NTM: variants seen among roughly 807,000 people sequenced by gnomAD.
The protein encoded by NTM is IgLON family member 2.
A neutral mutation model predicts 42.1 loss-of-function variants in NTM; 13 were observed. That is an observed-to-expected ratio of 0.31 (90% CI 0.20 to 0.49). The LOEUF is 0.49. Ranked by LOEUF, NTM falls within the 20% of genes least tolerant of loss-of-function variation. The probability of loss-of-function intolerance (pLI) is 0.99; values close to 1 mark genes in which losing one functional copy is unlikely to be tolerated. For missense variants in NTM, 373 were observed against 452.8 expected (o/e 0.82, Z 1.60); for synonymous variants, 187 against 179.2 (o/e 1.04, Z -0.35).
rs184990383 is a variant in NTM at position 131,548,288 on chromosome 11, A to G, written c.82+177400A>G. Among the ~76,000 whole-genome samples, 228 of 151,994 alleles carry G rather than the reference A, an allele frequency of 1.5e-3. 1 individual carries two copies. Among genetic ancestry groups the G allele is most frequent in the African/African-American group, 5.3e-3 (221 of 41,440 alleles). ...CTCCACCACCACTCTCCCCTTGTGC[A>G]TTTTTCCAAGTCGATCTTATCCAGG... On this transcript the variant is annotated intron_variant, in intron 1 of 8. Transcript: ENST00000683400.
chr11:132,005,256 G>A (rs2070500245), intron 2 of NTM, among the ~76,000 whole-genome samples: 1 of 152,290 alleles, frequency 6.6e-6, no homozygotes, highest in Middle Eastern at 3.4e-3. Context: ...TGAGTAGTTT[G>A]GGTTTAGATG....
At chr11:131,688,233 G>GCC (rs1316053437) in intron 1 of NTM, among the ~76,000 whole-genome samples, 1 of 152,166 alleles carries the variant, frequency 6.6e-6, no homozygotes, top group Non-Finnish European at 1.5e-5. Flanking sequence ...GGCTCCCGGG[G>GCC]CGGGGGAGGG....
intron 1 of NTM, among the ~76,000 whole-genome samples, chr11:131,897,840 A>T (rs2052548573): frequency 6.6e-6 from 1 of 152,224 alleles, no homozygotes; most frequent in South Asian, 2.1e-4. Context: ...AGAGTTTTTA[A>T]AAGATATTAA....
intron 1 of NTM, among the ~76,000 whole-genome samples, chr11:131,878,848 T>TAA (rs2049012545): frequency 6.6e-6 from 1 of 151,744 alleles, no homozygotes. Flanking sequence ...TCTCTTAAAA[T>TAA]AAAGTGAGAG....
intron 2 of NTM, among the ~76,000 whole-genome samples, chr11:132,084,110 G>A (rs996627842): frequency 2.0e-5 from 3 of 151,736 alleles, no homozygotes; most frequent in Admixed American, 6.6e-5. Flanking sequence ...CCTTTATTCC[G>A]ATGTCACAAT....
intron 1 of NTM, among the ~76,000 whole-genome samples, chr11:131,623,888 C>T (rs963904921): frequency 2.6e-5 from 4 of 152,234 alleles, no homozygotes; most frequent in East Asian, 3.8e-4. Flanking sequence ...TCGGGGCTGC[C>T]GTAGCTGGGC....
At chr11:131,845,554 T>C (rs988756485) in intron 1 of NTM, among the ~76,000 whole-genome samples, 1 of 151,596 alleles carries the variant, frequency 6.6e-6, no homozygotes, top group Non-Finnish European at 1.5e-5. Flanking sequence ...ACAATATGCA[T>C]AAGCAAGTTT....
intron 1 of NTM, among the ~76,000 whole-genome samples, chr11:131,427,605 T>C (rs1948274540): frequency 2.0e-5 from 3 of 152,218 alleles, no homozygotes. Flanking sequence ...CTCGGTGTTC[T>C]ACCTGTACTT....
intron 4 of NTM, among the ~76,000 whole-genome samples, chr11:132,228,375 T>G (rs1290486593): frequency 6.6e-6 from 1 of 152,128 alleles, no homozygotes; most frequent in East Asian, 1.9e-4. Context: ...CTCACCAACC[T>G]GGAAAACGTA....
chr11:131,886,047 G>C (rs911473511), intron 1 of NTM, among the ~76,000 whole-genome samples: 1 of 152,044 alleles, frequency 6.6e-6, no homozygotes, highest in Non-Finnish European at 1.5e-5. Flanking sequence ...GTTTTCCCAA[G>C]AGACCCCTCT....
At chr11:132,042,768 C>A (rs986091039) in intron 2 of NTM, among the ~76,000 whole-genome samples, 1 of 152,168 alleles carries the variant, frequency 6.6e-6, no homozygotes. Context: ...ATAGGATACA[C>A]AAAGCTAGAT....
At chr11:131,786,247 A>T (rs1467928666) in intron 1 of NTM, among the ~76,000 whole-genome samples, 2 of 152,268 alleles carry the variant, frequency 1.3e-5, no homozygotes, top group Non-Finnish European at 2.9e-5. Flanking sequence ...GAACTTCAGC[A>T]TTCATTCTGT....
intron 1 of NTM, among the ~76,000 whole-genome samples, chr11:131,590,535 C>CA (rs2059270986): frequency 6.6e-6 from 1 of 152,152 alleles, no homozygotes; most frequent in Non-Finnish European, 1.5e-5. Flanking sequence ...AAGTGCCAAG[C>CA]CAGGTGTCCC....
At chr11:132,238,991 G>A (rs2089653589) in intron 4 of NTM, among the ~76,000 whole-genome samples, 1 of 152,066 alleles carries the variant, frequency 6.6e-6, no homozygotes, top group Non-Finnish European at 1.5e-5. Context: ...TTTTGAGGTG[G>A]GCAAACAGAA....
At chr11:131,778,925 C>G (rs530063164) in intron 1 of NTM, among the ~76,000 whole-genome samples, 1 of 152,230 alleles carries the variant, frequency 6.6e-6, no homozygotes, top group East Asian at 1.9e-4. Flanking sequence ...TGGCAAATGC[C>G]GGTGGGATAG....
chr11:131,536,625 C>T (rs1240363195), intron 1 of NTM: 8 of 152,156 alleles, frequency 5.3e-5, no homozygotes, highest in East Asian at 1.9e-4. Context: ...AATTTACCTG[C>T]TACTCATCCA....
intron 1 of NTM, among the ~76,000 whole-genome samples, chr11:131,764,705 T>C (rs1306374114): frequency 6.6e-6 from 1 of 152,188 alleles, no homozygotes; most frequent in Non-Finnish European, 1.5e-5. Flanking sequence ...TGGGGTATAA[T>C]TGATGCCTGT....
chr11:131,534,713 C>T (rs1042576534), intron 1 of NTM: 1 of 152,218 alleles, frequency 6.6e-6, no homozygotes, highest in Non-Finnish European at 1.5e-5. Flanking sequence ...ATTGATTTCC[C>T]TTTTGGGCAC....
At chr11:132,182,449 G>A (rs1355261216) in intron 3 of NTM, among the ~76,000 whole-genome samples, 2 of 152,158 alleles carry the variant, frequency 1.3e-5, no homozygotes, top group African/African-American at 4.8e-5. Flanking sequence ...TACGTGTCAT[G>A]TATAAAATCA....
Sources: allele counts gnomAD v4.1 joint callset (sites outside exome capture counted in the v4.1 genomes callset), GRCh38; gene constraint gnomAD v4.1.1; transcripts MANE v1.5; gene names NCBI Gene and HGNC (gene_info 2026-07-23, HGNC 2026-07-21).